FANCM: variants seen among roughly 807,000 people sequenced by gnomAD.
FANCM encodes FA complementation group M.
In FANCM, 140 loss-of-function variants were observed where a neutral mutation model predicts 199.5. The observed-to-expected ratio is 0.70, with a 90% confidence interval of 0.61 to 0.81. The LOEUF is 0.81. FANCM is among the 30% of genes least tolerant of loss of function. The probability of loss-of-function intolerance (pLI) is 0.00; values close to 1 mark genes in which losing one functional copy is unlikely to be tolerated. For synonymous variants in FANCM, 840 were observed against 836.8 expected (o/e 1.00, Z -0.07); for missense variants, 2,410 against 2,421.4 (o/e 1.00, Z 0.10).
At chr14:45,141,313 GCAAAAAA>G (rs947657140) in intron 3 of FANCM, among the ~76,000 whole-genome samples, 11 of 142,840 alleles carry the variant, frequency 7.7e-5, no homozygotes, top group African/African-American at 1.0e-4. Flanking sequence ...AAAAAAGAAA[GCAAAAAA>G]CAAAAAACAT....
chr14:45,187,726 C>T (rs1254884321), intron 18 of FANCM, 55 bp from the exon 19 acceptor site: 3 of 808,072 alleles, frequency 3.7e-6, no homozygotes, highest in African/African-American at 3.4e-5. Context: ...AAATACTTTA[C>T]TGGTTTTCAT....
chr14:45,148,235 A>AC (rs1886566599), intron 3 of FANCM, among the ~76,000 whole-genome samples: 3 of 150,664 alleles, frequency 2.0e-5, no homozygotes, highest in African/African-American at 2.5e-5. Flanking sequence ...ACACACACAC[A>AC]AAACAACTTT....
At chr14:45,152,284 C>T (rs1886882699) in intron 5 of FANCM, among the ~76,000 whole-genome samples, 1 of 152,090 alleles carries the variant, frequency 6.6e-6, no homozygotes, top group Admixed American at 6.5e-5. Flanking sequence ...CCTGTCTCGG[C>T]CTCCCAGAGT....
chr14:45,164,322 T>G (rs776502499), intron 9 of FANCM, 37 bp from the exon 10 acceptor site: 19 of 1,490,136 alleles, frequency 1.3e-5, no homozygotes, highest in Middle Eastern at 2.3e-4. Context: ...TTCTCTTACA[T>G]TTGCATGTAG....
At chr14:45,177,076 C>T in intron 14 of FANCM, 100 bp downstream of exon 14, 1 of 722,910 alleles carries the variant, frequency 1.4e-6, no homozygotes, top group Non-Finnish European at 2.4e-6. Context: ...GTACATGGTA[C>T]AATATAAATA....
rs113630826 is a variant in FANCM, at chr14:45,175,285, A to C, written c.2531A>C (p.His844Pro). Residue 844 changes from histidine (H) to proline (P), a missense_variant, in exon 14 of 23, where the codon CAT becomes CCT. Physicochemically the swap from His to Pro is moderately conservative, Grantham distance 77. Transcript: ENST00000267430. ...EECAEIVKQT[H>P]IKPTKIVSLK... ...TGTGCTGAAATTGTTAAACAAACTC[A>C]TATCAAACCTACTAAAATTGTTTCT... 3 of 1,586,418 alleles carry C rather than the reference A, an allele frequency of 1.9e-6. No homozygotes were observed. The highest frequency in any genetic ancestry group is 2.7e-5 in the African/African-American group (2 of 73,398).
chr14:45,195,493 C>G (rs1158310964), intron 20 of FANCM: 2 of 455,500 alleles, frequency 4.4e-6, no homozygotes, highest in Non-Finnish European at 8.8e-6. Flanking sequence ...GTTCGGACAT[C>G]TAGCACTAAT....
chr14:45,149,050 A>G lies in FANCM; in HGVS notation c.918+55A>G, dbSNP rs1350449489. 4 of 1,281,800 alleles carry G rather than the reference A, an allele frequency of 3.1e-6. No individual in the cohort carries two copies. The African/African-American group carries it at 4.4e-5, about 14-fold the overall frequency. The allele number at this position is 1,281,800 out of a possible 1,614,324, so 79.4% of individuals were successfully genotyped here. A position where few individuals can be genotyped will look rare whatever the true frequency, so the allele number is the denominator to read the frequency against. ...TCATAAATAAACTGGTAATTGAATT[A>G]TTTCAGCTAACAGGATTTGGATGTG... On this transcript the variant is annotated intron_variant, in intron 4 of 22. Transcript: ENST00000267430.
chr14:45,135,979 G>C lies in FANCM; in HGVS notation c.-53G>C, dbSNP rs1885453065. The C allele has an allele frequency of 6.2e-7, 1 of 1,600,016 alleles. No individual in the cohort carries two copies. Among genetic ancestry groups the C allele is most frequent in the African/African-American group, 1.3e-5 (1 of 74,792 alleles). Reference sequence around the variant, plus strand: ...GATGGGGATCGGAACCGTAGCGGTTGAGCTGCTGCTGCTACGGATATCTGA... The same window carrying C: ...GATGGGGATCGGAACCGTAGCGGTTCAGCTGCTGCTGCTACGGATATCTGA... On this transcript the variant is annotated 5_prime_UTR_variant, in exon 1 of 23. Coordinates refer to ENST00000267430, the MANE Select transcript of FANCM (RefSeq NM_020937.4).
At chr14:45,144,278 A>AT (rs762488324) in intron 3 of FANCM, among the ~76,000 whole-genome samples, 2 of 151,944 alleles carry the variant, frequency 1.3e-5, no homozygotes, top group African/African-American at 4.8e-5. Context: ...TATTTATTCT[A>AT]TTTTTTTGTA....
At chr14:45,159,377 C>A in intron 9 of FANCM, 97 bp downstream of exon 9, 1 of 801,348 alleles carries the variant, frequency 1.2e-6, no homozygotes, top group Non-Finnish European at 2.0e-6. Context: ...CAATTAGCTA[C>A]TTAAAAAGAA....
chr14:45,146,240 GA>G (rs143430263), intron 3 of FANCM, among the ~76,000 whole-genome samples: 30 of 93,178 alleles, frequency 3.2e-4, no homozygotes, highest in African/African-American at 9.1e-4. Context: ...GACTCCGTCT[GA>G]AAAAAAAAAA....
rs1887827108 is a variant in FANCM at position 45,164,498 on chromosome 14, TG to T, written c.1724del (p.Gly575ValfsTer11). The stretch of plus-strand genomic sequence containing the variant: ...AGCCCAATTCGTCTTGTACAACGAA[TG>T]GGTAGAACTGGCCGTAAACGTCAAG... ...QKSPIRLVQR[M>X]GRTGRKRQGR... On this transcript the variant is annotated frameshift_variant, in exon 10 of 23. Coordinates refer to ENST00000267430, the MANE Select transcript of FANCM (RefSeq NM_020937.4). LOFTEE classifies it high-confidence loss of function. 2.6e-5 allele frequency: 42 copies of T among 1,613,720 alleles called. No individual in the cohort carries two copies. Among genetic ancestry groups the T allele is most frequent in the Non-Finnish European group, 3.6e-5 (42 of 1,180,006 alleles).
intron 21 of FANCM, 58 bp from the exon 22 acceptor site, chr14:45,198,586 A>G: frequency 1.7e-6 from 2 of 1,207,670 alleles, no homozygotes; most frequent in South Asian, 1.4e-5. Context: ...AAGTATATTA[A>G]TAATTCTACT....
chr14:45,136,122 C>A lies in FANCM; in HGVS notation c.91C>A (p.Arg31=). 2 of 1,614,116 alleles carry A rather than the reference C, an allele frequency of 1.2e-6. No individual in the cohort carries two copies. Among genetic ancestry groups the A allele is most frequent in the Non-Finnish European group, 1.7e-6 (2 of 1,180,008 alleles). ...TCCGGGTTGCAGCTCCGGAACTGAG[C>A]GACCTCAGAGCCCTGGCAGCTCCAA... The part of the protein sequence containing the change: ...GTPGCSSGTE[R]PQSPGSSKAP... Residue 31 remains arginine (R), a synonymous_variant, in exon 1 of 23, where the codon CGA becomes AGA. Coordinates refer to ENST00000267430, the MANE Select transcript of FANCM (RefSeq NM_020937.4).
chr14:45,137,657 C>T (rs1292418762), intron 2 of FANCM: 1 of 208,924 alleles, frequency 4.8e-6, no homozygotes, highest in Non-Finnish European at 9.9e-6. Context: ...ATACCTAACA[C>T]AGTGCCTTCC....
chr14:45,197,480 T>G (rs1890125789), intron 21 of FANCM, among the ~76,000 whole-genome samples: 2 of 152,048 alleles, frequency 1.3e-5, no homozygotes, highest in African/African-American at 4.8e-5. Flanking sequence ...GTTTTTTTTT[T>G]TTGAGACAGA....
At chr14:45,182,154 G>A (rs981998326) in intron 16 of FANCM, among the ~76,000 whole-genome samples, 2 of 152,118 alleles carry the variant, frequency 1.3e-5, no homozygotes, top group African/African-American at 4.8e-5. Context: ...CCTCGATCTC[G>A]GGAGTTCTGG....
intron 3 of FANCM, among the ~76,000 whole-genome samples, chr14:45,145,684 G>A (rs560245012): frequency 2.6e-5 from 4 of 152,172 alleles, no homozygotes; most frequent in Non-Finnish European, 4.4e-5. Flanking sequence ...CAGCACTTTG[G>A]GAGGCCAAGG....
Sources: allele counts gnomAD v4.1 joint callset (sites outside exome capture counted in the v4.1 genomes callset), GRCh38; gene constraint gnomAD v4.1.1; transcripts MANE v1.5; gene names NCBI Gene and HGNC (gene_info 2026-07-23, HGNC 2026-07-21).